The following KDM2A variants were observed in gnomAD, a reference collection of about 807,000 sequenced individuals.
KDM2A encodes lysine-specific demethylase 2A.
KDM2A carries 3 observed loss-of-function variants against 137.3 expected under a neutral mutation model. The ratio of observed to expected loss-of-function variants is 0.02; its 90% CI spans 0.01 to 0.06. KDM2A has a LOEUF of 0.06. KDM2A is among the 10% of genes least tolerant of loss of function. The probability of loss-of-function intolerance (pLI) is 1.00; values close to 1 mark genes in which losing one functional copy is unlikely to be tolerated. For missense variants in KDM2A, 738 were observed against 1,510.6 expected (o/e 0.49, Z 8.48); for synonymous variants, 512 against 541.5 (o/e 0.95, Z 0.76).
At chr11:67,152,505 G>A (rs1164295449) in intron 2 of KDM2A, among the ~76,000 whole-genome samples, 1 of 152,026 alleles carries the variant, frequency 6.6e-6, no homozygotes, top group Non-Finnish European at 1.5e-5. Flanking sequence ...CTACTTGGGA[G>A]GCCGAGGTGG....
rs867163240 is a variant in KDM2A at position 67,179,990 on chromosome 11, C to T, written c.43-89C>T. The T allele has an allele frequency of 6.1e-6, 8 of 1,302,348 alleles. 1 individual carries two copies. The Middle Eastern group carries it at 9.7e-4, about 157-fold the overall frequency. The allele number at this position is 1,302,348 out of a possible 1,614,324, so 80.7% of individuals were successfully genotyped here. On this transcript the variant is annotated intron_variant, in intron 2 of 20. Coordinates refer to ENST00000529006, the MANE Select transcript of KDM2A (RefSeq NM_012308.3). ...AAATAGCAACTGAGTTTGAAAGTAG[C>T]ACTTTGCACATGTAGGGAAATCTAT...
At chr11:67,199,734 T>C (rs1000717940) in intron 5 of KDM2A, among the ~76,000 whole-genome samples, 3 of 152,238 alleles carry the variant, frequency 2.0e-5, no homozygotes, top group African/African-American at 4.8e-5. Context: ...CATGCTGATA[T>C]AGAAGCTGCA....
intron 5 of KDM2A, among the ~76,000 whole-genome samples, chr11:67,185,282 T>A (rs1857177375): frequency 6.6e-6 from 1 of 152,072 alleles, no homozygotes; most frequent in Non-Finnish European, 1.5e-5. Flanking sequence ...GATTATTAAG[T>A]CTAAGGAACA....
chr11:67,235,603 T>TG (rs1858848133), intron 12 of KDM2A, among the ~76,000 whole-genome samples: 1 of 144,502 alleles, frequency 6.9e-6, no homozygotes, highest in South Asian at 2.2e-4. Context: ...GCCCGGCTGC[T>TG]TTTTTGTTTT....
intron 6 of KDM2A, among the ~76,000 whole-genome samples, chr11:67,209,175 G>A (rs980718024): frequency 1.3e-5 from 2 of 151,170 alleles, no homozygotes; most frequent in Non-Finnish European, 3.0e-5. Context: ...TCAAGTGATC[G>A]ACCTGCCTCG....
intron 2 of KDM2A, among the ~76,000 whole-genome samples, chr11:67,156,985 T>C (rs1344788119): frequency 6.6e-6 from 1 of 151,976 alleles, no homozygotes; most frequent in East Asian, 1.9e-4. Flanking sequence ...GCCCACAAAA[T>C]TTAAAATATT....
At chr11:67,157,371 T>C (rs1856541530) in intron 2 of KDM2A, among the ~76,000 whole-genome samples, 1 of 151,564 alleles carries the variant, frequency 6.6e-6, no homozygotes, top group Admixed American at 6.6e-5. Context: ...GAATAGTCTT[T>C]CGTGTGTGAG....
intron 2 of KDM2A, among the ~76,000 whole-genome samples, chr11:67,147,914 T>C (rs1354599707): frequency 6.6e-6 from 1 of 151,934 alleles, no homozygotes; most frequent in Non-Finnish European, 1.5e-5. Flanking sequence ...CCTGACCTCG[T>C]GATTCACCTG....
rs371236913 is a variant in KDM2A at position 67,250,413 on chromosome 11, C to T, written c.2383C>T (p.Arg795Trp). The T allele has an allele frequency of 6.8e-6, 11 of 1,613,906 alleles. No individual in the cohort carries two copies. The highest frequency in any genetic ancestry group is 1.3e-5 in the African/African-American group (1 of 74,924). The change falls in exon 17 of 21, where the codon CGG becomes TGG. Residue 795 changes from arginine to tryptophan, a missense_variant. Coordinates refer to ENST00000529006, the MANE Select transcript of KDM2A (RefSeq NM_012308.3). This position sits in a 1 kb window ranked among gnomAD's most constrained non-coding sequence, Gnocchi z 7.1. ...ELSEVEKAKI[R>W]GSYLTVTLQR... ...GTCTGAAGTTGAGAAAGCCAAGATCCGGGGATCGTACCTCACTGTCACGCT... is the reference window on the plus strand; with the variant it reads ...GTCTGAAGTTGAGAAAGCCAAGATCTGGGGATCGTACCTCACTGTCACGCT...
At chr11:67,122,583 A>G (rs1408844645) in intron 2 of KDM2A, among the ~76,000 whole-genome samples, 2 of 152,090 alleles carry the variant, frequency 1.3e-5, no homozygotes, top group Non-Finnish European at 2.9e-5. Context: ...TTGGCCTCCC[A>G]AAGTGCTGGG....
intron 2 of KDM2A, among the ~76,000 whole-genome samples, chr11:67,165,039 G>A (rs1217115608): frequency 6.6e-6 from 1 of 152,100 alleles, no homozygotes; most frequent in African/African-American, 2.4e-5. Context: ...TAGAAGGAAA[G>A]AGGTCTTGCC....
intron 2 of KDM2A, among the ~76,000 whole-genome samples, chr11:67,166,185 CTTTT>C (rs926802116): frequency 3.0e-5 from 4 of 131,540 alleles, no homozygotes; most frequent in Admixed American, 1.6e-4. Context: ...CAATATTTCT[CTTTT>C]TTTTTTTTTT....
chr11:67,216,876 C>T (rs11603271), intron 8 of KDM2A, among the ~76,000 whole-genome samples: 17 of 147,178 alleles, frequency 1.2e-4, no homozygotes, highest in African/African-American at 4.0e-4. Flanking sequence ...GCTGAGATCG[C>T]GCCATTGCAC....
At chr11:67,152,530 C>G (rs984177585) in intron 2 of KDM2A, among the ~76,000 whole-genome samples, 1 of 151,930 alleles carries the variant, frequency 6.6e-6, no homozygotes, top group African/African-American at 2.4e-5. Flanking sequence ...ATCGCTTGAG[C>G]CTGGGAGGTC....
chr11:67,155,494 A>G (rs1457441762), intron 2 of KDM2A, among the ~76,000 whole-genome samples: 5 of 151,994 alleles, frequency 3.3e-5, no homozygotes, highest in African/African-American at 1.2e-4. Context: ...TTTGGAGGCA[A>G]GGTCTTGCTG....
chr11:67,167,294 GTGA>G (rs1856768585), intron 2 of KDM2A, among the ~76,000 whole-genome samples: 1 of 152,160 alleles, frequency 6.6e-6, no homozygotes, highest in African/African-American at 2.4e-5. Context: ...TTGCAGAGTT[GTGA>G]TGATATCATA....
At chr11:67,154,683 C>T (rs1248528358) in intron 2 of KDM2A, among the ~76,000 whole-genome samples, 1 of 152,134 alleles carries the variant, frequency 6.6e-6, no homozygotes, top group Non-Finnish European at 1.5e-5. Context: ...AGGTGATCCA[C>T]CTGCCTTGGC....
intron 5 of KDM2A, among the ~76,000 whole-genome samples, chr11:67,183,075 A>C (rs1857125776): frequency 6.6e-6 from 1 of 152,158 alleles, no homozygotes; most frequent in South Asian, 2.1e-4. Flanking sequence ...AGGTAGAGGA[A>C]AGTTCCCAAA....
chr11:67,217,964 T>G, intron 9 of KDM2A, 80 bp downstream of exon 9: 1 of 1,235,036 alleles, frequency 8.1e-7, no homozygotes, highest in East Asian at 2.5e-5. Context: ...CCACCAAGAA[T>G]AGTTATGATG....
Sources: allele counts gnomAD v4.1 joint callset (sites outside exome capture counted in the v4.1 genomes callset), GRCh38; gene constraint gnomAD v4.1.1; non-coding constraint Gnocchi (gnomAD v3.1); transcripts MANE v1.5; gene names NCBI Gene and HGNC (gene_info 2026-07-23, HGNC 2026-07-21).